OVCH1: variants seen among roughly 807,000 people sequenced by gnomAD.
OVCH1 encodes ovochymase 1.
A neutral mutation model predicts 138.4 loss-of-function variants in OVCH1; 139 were observed. That is an observed-to-expected ratio of 1.00 (90% CI 0.87 to 1.16). The LOEUF (loss-of-function observed/expected upper bound fraction) is 1.16, where lower values mean the gene tolerates loss of function less well. Among genes scored for constraint, OVCH1 ranks in the 50% most tolerant of loss-of-function variants. The pLI is 0.00. For synonymous variants in OVCH1, 453 were observed against 467.8 expected (o/e 0.97, Z 0.41); for missense variants, 1,367 against 1,357.9 (o/e 1.01, Z -0.11).
At chr12:29,462,050 G>A (rs376712249) in intron 18 of OVCH1, 42 bp from the exon 19 acceptor site, 110 of 1,585,940 alleles carry the variant, frequency 6.9e-5, no homozygotes, top group Middle Eastern at 1.7e-4. Flanking sequence ...GATGAAGTAA[G>A]CAGAAAGTGT....
chr12:29,439,214 G>A, intron 26 of OVCH1: 1 of 993,054 alleles, frequency 1.0e-6, no homozygotes, highest in Non-Finnish European at 1.3e-6. Flanking sequence ...AAAGTCCTTT[G>A]CCTTTAGAAG....
chr12:29,441,455 A>T, intron 25 of OVCH1, among the ~76,000 whole-genome samples: 1 of 152,236 alleles, frequency 6.6e-6, no homozygotes, highest in Non-Finnish European at 1.5e-5. Context: ...CTTACACCTT[A>T]TACAAAAAAT....
intron 14 of OVCH1, among the ~76,000 whole-genome samples, chr12:29,473,915 T>C (rs1004037407): frequency 2.6e-5 from 4 of 152,038 alleles, no homozygotes; most frequent in Non-Finnish European, 5.9e-5. Context: ...CCAGCCTACA[T>C]CTTTCTTCCA....
intron 25 of OVCH1, among the ~76,000 whole-genome samples, chr12:29,443,082 C>G (rs1442946994): frequency 6.6e-6 from 1 of 152,046 alleles, no homozygotes; most frequent in Non-Finnish European, 1.5e-5. Context: ...TTGTCTAAAA[C>G]TGCTTCATTC....
At chr12:29,478,544 AT>A (rs1216321430) in intron 9 of OVCH1, among the ~76,000 whole-genome samples, 2 of 152,194 alleles carry the variant, frequency 1.3e-5, no homozygotes, top group African/African-American at 4.8e-5. Flanking sequence ...ACTGAAAAGA[AT>A]GGTCAGTGTG....
chr12:29,462,390 A>G (rs1301876537), intron 18 of OVCH1, among the ~76,000 whole-genome samples: 1 of 151,150 alleles, frequency 6.6e-6, no homozygotes, highest in Non-Finnish European at 1.5e-5. Flanking sequence ...ATATATTTAT[A>G]TACATAAATA....
chr12:29,459,187 G>A (rs1414091481), intron 19 of OVCH1, among the ~76,000 whole-genome samples: 1 of 152,166 alleles, frequency 6.6e-6, no homozygotes, highest in African/African-American at 2.4e-5. Flanking sequence ...GCACTCCCAT[G>A]TCTATTGCAA....
intron 14 of OVCH1, among the ~76,000 whole-genome samples, chr12:29,474,074 T>TACACACACACACACACACACAC (rs146655743): frequency 2.8e-5 from 4 of 145,192 alleles, no homozygotes; most frequent in Admixed American, 7.0e-5. Context: ...CACACACACA[T>TACACACACACACACACACACAC]ACACACACAC....
rs747841073 is a variant in OVCH1 at position 29,491,095 on chromosome 12, A to G, written c.550+2T>C. ...GTATTAAGTCATTTTGGTGTCTCTT[A>G]CTTTTGGAAATCTTGCCCCATCCAC... On this transcript the variant is annotated splice_donor_variant, in intron 5 of 27. Coordinates refer to ENST00000318184, the Ensembl canonical transcript of OVCH1. LOFTEE classifies it high-confidence loss of function. The G allele has an allele frequency of 5.0e-6, 8 of 1,611,888 alleles. No homozygotes were observed. The highest frequency in any genetic ancestry group is 1.1e-5 in the South Asian group (1 of 91,010).
At chr12:29,465,596 G>A (rs1256784990) in intron 16 of OVCH1, among the ~76,000 whole-genome samples, 1 of 152,090 alleles carries the variant, frequency 6.6e-6, no homozygotes, top group Non-Finnish European at 1.5e-5. Flanking sequence ...AGTTCAGCGA[G>A]GCAACAGTCC....
intron 16 of OVCH1, among the ~76,000 whole-genome samples, chr12:29,466,261 A>T (rs1942315961): frequency 6.6e-6 from 1 of 152,188 alleles, no homozygotes; most frequent in Non-Finnish European, 1.5e-5. Context: ...AATATATACA[A>T]AAAAATCATA....
chr12:29,484,909 G>A (rs370374168), intron 8 of OVCH1, among the ~76,000 whole-genome samples, 109 bp from the exon 9 acceptor site: 12 of 152,220 alleles, frequency 7.9e-5, no homozygotes, highest in Admixed American at 3.3e-4. Context: ...TCATTTCATC[G>A]ATATTTATGG....
chr12:29,482,200 C>T (rs1261357890), intron 8 of OVCH1, among the ~76,000 whole-genome samples: 1 of 152,206 alleles, frequency 6.6e-6, no homozygotes. Flanking sequence ...TGCCCCTCTC[C>T]AGCCACTCAA....
intron 26 of OVCH1, among the ~76,000 whole-genome samples, chr12:29,439,041 A>G (rs918839389): frequency 5.3e-5 from 8 of 152,214 alleles, no homozygotes; most frequent in Non-Finnish European, 1.2e-4. Context: ...TATCTCCACT[A>G]GGAGGGCAGA....
intron 26 of OVCH1, among the ~76,000 whole-genome samples, chr12:29,437,038 T>C (rs570374926): frequency 2.6e-5 from 4 of 152,290 alleles, no homozygotes; most frequent in Non-Finnish European, 5.9e-5. Context: ...TACAGAGTGC[T>C]GATTGGTGCA....
In OVCH1 at chr12:29,476,755, GCACACACACACACACACACA is replaced by G. The variant is rs548409739; in HGVS notation, c.1377+327_1377+346del. On this transcript the variant is annotated intron_variant, in intron 12 of 27. Transcript: ENST00000318184. ...CCAAGCAGCATAAGTACACACGCGC[GCACACACACACACACACACA>G]CACACACACACACACACACACACAC... Among the ~76,000 whole-genome samples, 34 of 103,422 alleles carry G rather than the reference GCACACACACACACACACACA, an allele frequency of 3.3e-4. 1 individual carries two copies. Among genetic ancestry groups the G allele is most frequent in the East Asian group, 5.0e-4 (2 of 4,014 alleles). The allele number at this position is 103,422 out of a possible 152,430, so 67.8% of individuals were successfully genotyped here.
intron 16 of OVCH1, among the ~76,000 whole-genome samples, chr12:29,470,230 A>T (rs1565593806): frequency 2.0e-5 from 3 of 152,130 alleles, no homozygotes; most frequent in African/African-American, 4.8e-5. Flanking sequence ...TTGATTTTTT[A>T]AAAATTTTAA....
intron 26 of OVCH1, among the ~76,000 whole-genome samples, chr12:29,435,357 CCTGT>C (rs368181406): frequency 2.6e-4 from 40 of 152,234 alleles, no homozygotes; most frequent in African/African-American, 9.4e-4. Context: ...ATAGCGAGAA[CCTGT>C]CTCTTAAAAA....
In OVCH1 at chr12:29,475,536, A is replaced by AAT. The variant is rs1291058671; in HGVS notation, c.1472-348_1472-347insAT. On this transcript the variant is annotated intron_variant, in intron 13 of 27. Coordinates refer to ENST00000318184, the Ensembl canonical transcript of OVCH1. ...CAAAGAGGACATAAGCATACTTTAT[A>AAT]AGAGAGGTAACACTCGAAGTCACTT... Among the ~76,000 whole-genome samples, 6 of 152,246 alleles carry AAT rather than the reference A, an allele frequency of 3.9e-5. No homozygotes were observed. In the South Asian group the frequency reaches 1.2e-3, roughly 32 times the overall value.
Sources: gnomAD v4.1 joint callset for allele counts (sites outside exome capture counted in the v4.1 genomes callset) on GRCh38, gnomAD v4.1.1 for gene constraint, MANE v1.5 for transcripts, NCBI Gene and HGNC (gene_info 2026-07-23, HGNC 2026-07-21) for gene names.